The following LYST variants were observed in gnomAD, a reference collection of about 807,000 sequenced individuals.
The protein encoded by LYST is lysosomal trafficking regulator.
LYST carries 192 observed loss-of-function variants against 413.6 expected under a neutral mutation model. That is an observed-to-expected ratio of 0.46 (90% confidence interval 0.41 to 0.52). LYST has a LOEUF of 0.52. LYST is among the 20% of genes least tolerant of loss of function. The probability of loss-of-function intolerance (pLI) is 0.00; values close to 1 mark genes in which losing one functional copy is unlikely to be tolerated. For missense variants in LYST, 3,815 were observed against 4,499.9 expected, an observed-to-expected ratio of 0.85 and a Z score of 4.35; for synonymous variants, 1,525 against 1,567.3, an observed-to-expected ratio of 0.97 and a Z score of 0.64.
chr1:235,845,328 G>C (rs904704947), intron 1 of LYST, among the ~76,000 whole-genome samples: 7 of 152,148 alleles, frequency 4.6e-5, no homozygotes, highest in Non-Finnish European at 8.8e-5. Flanking sequence ...CAGCAGAAAG[G>C]CCCTGGGAGC....
At chr1:235,693,283 C>T (rs142364034) in intron 47 of LYST, 67 bp downstream of exon 47, 1 of 1,237,668 alleles carries the variant, frequency 8.1e-7, no homozygotes, top group African/African-American at 1.5e-5. Context: ...TCACTGCGCT[C>T]CAGCTTGGGC....
intron 13 of LYST, among the ~76,000 whole-genome samples, chr1:235,787,740 T>C (rs1359699717): frequency 1.3e-5 from 2 of 152,174 alleles, no homozygotes; most frequent in Non-Finnish European, 2.9e-5. Flanking sequence ...GTCTAAGTAT[T>C]GGAGGTCTAA....
intron 29 of LYST, among the ~76,000 whole-genome samples, chr1:235,744,508 A>T (rs1665719135): frequency 6.6e-6 from 1 of 152,186 alleles, no homozygotes; most frequent in African/African-American, 2.4e-5. Flanking sequence ...GTTTCTCTGC[A>T]TGTGCTATAC....
intron 50 of LYST, among the ~76,000 whole-genome samples, chr1:235,668,508 T>G (rs1252204122): frequency 1.3e-5 from 2 of 152,210 alleles, no homozygotes; most frequent in Non-Finnish European, 2.9e-5. Flanking sequence ...CATTACTCTA[T>G]TATATTGTGT....
chr1:235,800,084 G>C (rs1672040849), intron 10 of LYST, among the ~76,000 whole-genome samples: 1 of 150,066 alleles, frequency 6.7e-6, no homozygotes, highest in African/African-American at 2.5e-5. Context: ...AGCCTCCCAA[G>C]TAGCTAGGAC....
intron 46 of LYST, among the ~76,000 whole-genome samples, chr1:235,696,802 C>G (rs770855731): frequency 9.9e-5 from 15 of 152,208 alleles, no homozygotes; most frequent in South Asian, 2.1e-4. Flanking sequence ...GCTCAACAGC[C>G]TCAAAGTGTA....
intron 1 of LYST, among the ~76,000 whole-genome samples, chr1:235,858,498 A>G (rs1331330398): frequency 6.6e-6 from 1 of 152,174 alleles, no homozygotes; most frequent in African/African-American, 2.4e-5. Flanking sequence ...AGAATCTTAA[A>G]TTGAGAATTC....
At chr1:235,761,444 CTG>C (rs1178458003) in intron 22 of LYST, among the ~76,000 whole-genome samples, 4 of 152,174 alleles carry the variant, frequency 2.6e-5, no homozygotes, top group African/African-American at 9.7e-5. Flanking sequence ...CGATGAGACT[CTG>C]TTAAGAGTCA....
At chr1:235,820,433 A>T (rs2102947546) in intron 3 of LYST, among the ~76,000 whole-genome samples, 1 of 151,936 alleles carries the variant, frequency 6.6e-6, no homozygotes, top group East Asian at 1.9e-4. Flanking sequence ...TCAGTGGCAC[A>T]ATCATGGCTC....
chr1:235,875,111 A>G (rs1214101398), intron 1 of LYST, among the ~76,000 whole-genome samples: 1 of 152,156 alleles, frequency 6.6e-6, no homozygotes, highest in East Asian at 1.9e-4. Flanking sequence ...AATAGAGGGA[A>G]CAGCGGGTAT....
chr1:235,682,467 G>A (rs548824161), intron 48 of LYST, among the ~76,000 whole-genome samples: 5 of 152,312 alleles, frequency 3.3e-5, no homozygotes, highest in Non-Finnish European at 7.4e-5. Flanking sequence ...GCAGCCTCAG[G>A]AAGCCCACAG....
intron 50 of LYST, among the ~76,000 whole-genome samples, chr1:235,672,939 C>T (rs1031361191): frequency 6.6e-6 from 1 of 152,170 alleles, no homozygotes; most frequent in African/African-American, 2.4e-5. Flanking sequence ...GACTCAAAGC[C>T]TCCTAGCACA....
chr1:235,679,814 C>T (rs983994636), intron 48 of LYST, among the ~76,000 whole-genome samples: 2 of 152,172 alleles, frequency 1.3e-5, no homozygotes. Context: ...CACTCCCCAG[C>T]TTGCTTAGTT....
Position 235,857,173 on chromosome 1 carries a change from T to C in LYST, c.-98+9670A>G, listed in dbSNP as rs779850969. On this transcript the variant is annotated intron_variant, in intron 1 of 52. Transcript: ENST00000389793. The stretch of plus-strand genomic sequence containing the variant: ...TGTTGGCCAGGTTGGTCTTGAACAA[T>C]AGGCATAAACCAGAGCCATCTTAGG... Among the ~76,000 whole-genome samples the C allele has an allele frequency of 5.3e-5, 8 of 152,066 alleles. No homozygotes were observed. The South Asian group carries it at 1.2e-3, about 24-fold the overall frequency.
chr1:235,800,759 A>G (rs944208134), intron 9 of LYST, 112 bp downstream of exon 9: 38 of 752,320 alleles, frequency 5.1e-5, no homozygotes, highest in East Asian at 2.4e-4. Flanking sequence ...ACCAGAAAAG[A>G]TAAGTAATCA....
At chr1:235,880,272 T>A (rs1681322361) in intron 1 of LYST, among the ~76,000 whole-genome samples, 1 of 152,252 alleles carries the variant, frequency 6.6e-6, no homozygotes. Context: ...GCAATATATG[T>A]GAAAAAAACT....
chr1:235,840,067 C>G (rs1677046954), intron 1 of LYST: 1 of 152,160 alleles, frequency 6.6e-6, no homozygotes, highest in South Asian at 2.1e-4. Flanking sequence ...TTCCATATTC[C>G]TCTTCCTGCT....
intron 50 of LYST, among the ~76,000 whole-genome samples, chr1:235,666,590 GCACA>G (rs1214218772): frequency 2.7e-5 from 2 of 74,534 alleles, no homozygotes; most frequent in Admixed American, 1.3e-4. Flanking sequence ...AGACACACAT[GCACA>G]CACACACACA....
intron 10 of LYST, among the ~76,000 whole-genome samples, chr1:235,797,687 C>A (rs140257372): frequency 5.9e-5 from 9 of 152,098 alleles, no homozygotes; most frequent in African/African-American, 2.2e-4. Flanking sequence ...ATAAAACTTA[C>A]GGGGAACATT....
Sources: allele counts gnomAD v4.1 joint callset (sites outside exome capture counted in the v4.1 genomes callset), GRCh38; gene constraint gnomAD v4.1.1; transcripts MANE v1.5; gene names NCBI Gene and HGNC (gene_info 2026-07-23, HGNC 2026-07-21).